Variants in ANKFY1 observed in about 807,000 individuals in gnomAD.
ANKFY1 encodes the protein ankyrin repeat and FYVE domain-containing protein 1.
A neutral mutation model predicts 128.3 loss-of-function variants in ANKFY1; 47 were observed. The ratio of observed to expected loss-of-function variants is 0.37; its 90% CI spans 0.29 to 0.47. The LOEUF is 0.47. ANKFY1 is among the 20% of genes least tolerant of loss of function. The pLI is 1.00. For synonymous variants in ANKFY1, 553 were observed against 601.6 expected, an observed-to-expected ratio of 0.92 and a Z score of 1.18; for missense variants, 1,222 against 1,510.6, an observed-to-expected ratio of 0.81 and a Z score of 3.17.
intron 1 of ANKFY1, among the ~76,000 whole-genome samples, chr17:4,245,757 A>C (rs1487885790): frequency 6.9e-6 from 1 of 145,626 alleles, no homozygotes; most frequent in African/African-American, 2.5e-5. Context: ...AAAAAAAAAA[A>C]AAAACAACCA....
In ANKFY1 at chr17:4,167,578, C is replaced by T. The variant is rs959522566; in HGVS notation, c.*201G>A. The T allele has an allele frequency of 2.9e-5, 14 of 490,642 alleles. No homozygotes were observed. Among genetic ancestry groups the T allele is most frequent in the Non-Finnish European group, 4.1e-5 (12 of 291,532 alleles). 30.4% of individuals were successfully genotyped at this position (490,642 alleles called of 1,614,324 possible). A position where few individuals can be genotyped will look rare whatever the true frequency, so the allele number is the denominator to read the frequency against. On this transcript the variant is annotated 3_prime_UTR_variant, in exon 25 of 25. Coordinates refer to ENST00000341657, the MANE Select transcript of ANKFY1 (RefSeq NM_001330063.2). This position sits in a 1 kb window ranked among gnomAD's most constrained non-coding sequence, Gnocchi z 4.1. ...TGATGAGTGAGACATCTAGTGAAATCGATCACAGTCTGACACACACACTGA... is the reference window on the plus strand; with the variant it reads ...TGATGAGTGAGACATCTAGTGAAATTGATCACAGTCTGACACACACACTGA...
At position 4,230,233 on chromosome 17, in the gene ANKFY1, C is replaced by T. The variant is rs549610692; in HGVS notation, c.322+5539G>A. ...AGATGGTGCTTCAGGGGATAGCTTT[C>T]CCAACCAGAGTGAAAAGGAATAAAG... On this transcript the variant is annotated intron_variant, in intron 3 of 24. Transcript: ENST00000341657. Among the ~76,000 whole-genome samples, 14 of 152,272 alleles carry T rather than the reference C, an allele frequency of 9.2e-5. No homozygotes were observed. The South Asian group carries it at 2.5e-3, about 27-fold the overall frequency.
In ANKFY1 at chr17:4,164,646, TAAAAG is replaced by T. The variant is rs1236568494; in HGVS notation, c.*3128_*3132del. The T allele has an allele frequency of 6.6e-6, 1 of 152,224 alleles. No individual in the cohort carries two copies. The highest frequency in any genetic ancestry group is 1.5e-5 in the Non-Finnish European group (1 of 68,052). 9.4% of individuals were successfully genotyped at this position (152,224 alleles called of 1,614,324 possible). ...TTCAAAAGTGTTCTTTTTCTCCAGA[TAAAAG>T]AAACCTAGATGGAGGTCAAGCTCTC... is the stretch of plus-strand genomic sequence containing the variant. On this transcript the variant is annotated 3_prime_UTR_variant, in exon 25 of 25. Coordinates refer to ENST00000341657, the MANE Select transcript of ANKFY1 (RefSeq NM_001330063.2).
At chr17:4,241,240 A>G (rs1426138220) in intron 2 of ANKFY1, among the ~76,000 whole-genome samples, 1 of 148,472 alleles carries the variant, frequency 6.7e-6, no homozygotes, top group African/African-American at 2.6e-5. Context: ...CACATAGCTA[A>G]TAAGTCGCCA....
Position 4,173,459 on chromosome 17 carries a change from C to T in ANKFY1, c.2924-15G>A, listed in dbSNP as rs755318702. 20 of 1,612,460 alleles carry T rather than the reference C, an allele frequency of 1.2e-5. No individual in the cohort carries two copies. The Admixed American group carries it at 2.8e-4, about 23-fold the overall frequency. The stretch of plus-strand genomic sequence containing the variant: ...AAGATGAAGAGCTGGGAAGTAAATC[C>T]TCTTACTATGCAAGCCCAGAAGCAC... On this transcript the variant is annotated splice_polypyrimidine_tract_variant and intron_variant, in intron 20 of 24. Transcript: ENST00000341657.
intron 3 of ANKFY1, among the ~76,000 whole-genome samples, chr17:4,228,238 G>C (rs1431734320): frequency 2.0e-5 from 3 of 152,104 alleles, no homozygotes; most frequent in Non-Finnish European, 4.4e-5. Context: ...AGAAGTGAAA[G>C]AAGCCAGACA....
At chr17:4,250,839 C>T (rs959162958) in intron 1 of ANKFY1, among the ~76,000 whole-genome samples, 1 of 152,072 alleles carries the variant, frequency 6.6e-6, no homozygotes, top group African/African-American at 2.4e-5. Flanking sequence ...CTCAGTATGG[C>T]GCCCAAGCTG....
intron 1 of ANKFY1, among the ~76,000 whole-genome samples, chr17:4,244,801 T>G (rs1053493123): frequency 1.3e-5 from 2 of 152,146 alleles, no homozygotes; most frequent in African/African-American, 4.8e-5. Flanking sequence ...TTCTTTATCA[T>G]CAACCACCCC....
chr17:4,261,210 C>T (rs971937496), intron 1 of ANKFY1, among the ~76,000 whole-genome samples: 5 of 152,134 alleles, frequency 3.3e-5, no homozygotes, highest in Admixed American at 6.5e-5. Context: ...TGTGGCCGGC[C>T]GGGTGTGGTG....
Position 4,219,879 on chromosome 17 carries a change from T to G in ANKFY1, c.323-2761A>C, listed in dbSNP as rs199886316. Among the ~76,000 whole-genome samples the G allele has an allele frequency of 8.5e-5, 13 of 152,296 alleles. 1 individual carries two copies. The East Asian group carries it at 2.5e-3, about 29-fold the overall frequency. The stretch of plus-strand genomic sequence containing the variant: ...TCTTGTCACCCAGGCTGGAGTGCAG[T>G]GGCGCGATCTGAGCTCACTGCAACC... On this transcript the variant is annotated intron_variant, in intron 3 of 24. Coordinates refer to ENST00000341657, the MANE Select transcript of ANKFY1 (RefSeq NM_001330063.2).
At position 4,169,890 on chromosome 17, in the gene ANKFY1, C is replaced by G. The variant is rs910975873; in HGVS notation, c.3287-602G>C. On this transcript the variant is annotated intron_variant, in intron 23 of 24. Coordinates refer to ENST00000341657, the MANE Select transcript of ANKFY1 (RefSeq NM_001330063.2). This position sits in a 1 kb window ranked among gnomAD's most constrained non-coding sequence, Gnocchi z 5.0. Reference sequence around the variant, plus strand: ...TTACTGGCTGAACTCTCACTCTATCCCAGGCACTGTCTGACTGCTCTACAT... The same window carrying G: ...TTACTGGCTGAACTCTCACTCTATCGCAGGCACTGTCTGACTGCTCTACAT... Among the ~76,000 whole-genome samples, 1 of 152,182 alleles carries G rather than the reference C, an allele frequency of 6.6e-6. No individual in the cohort carries two copies. The highest frequency in any genetic ancestry group is 2.4e-5 in the African/African-American group (1 of 41,432).
chr17:4,194,291 C>T (rs374672368), intron 10 of ANKFY1, among the ~76,000 whole-genome samples: 13 of 150,354 alleles, frequency 8.6e-5, no homozygotes, highest in Admixed American at 8.0e-4. Context: ...TTTTCAGTAG[C>T]GACAGGTTTC....
intron 3 of ANKFY1, among the ~76,000 whole-genome samples, chr17:4,225,074 G>C (rs1309897385): frequency 1.3e-5 from 2 of 151,058 alleles, no homozygotes; most frequent in African/African-American, 4.9e-5. Flanking sequence ...AAACTTTTTA[G>C]GCTGGGTGTG....
At position 4,167,209 on chromosome 17, in the gene ANKFY1, T is replaced by C. The variant is rs2059226131; in HGVS notation, c.*570A>G. The C allele has an allele frequency of 6.6e-6, 1 of 152,666 alleles. No homozygotes were observed. The highest frequency in any genetic ancestry group is 1.5e-5 in the Non-Finnish European group (1 of 68,044). The allele number at this position is 152,666 out of a possible 1,614,324, so 9.5% of individuals were successfully genotyped here. A position where few individuals can be genotyped will look rare whatever the true frequency, so the allele number is the denominator to read the frequency against. ...TCTTTGAACCCTGTTAAGAAAGATT[T>C]CACCTTTTTAAAAGGGGTAGCTCAC... On this transcript the variant is annotated 3_prime_UTR_variant, in exon 25 of 25. Coordinates refer to ENST00000341657, the MANE Select transcript of ANKFY1 (RefSeq NM_001330063.2). The surrounding 1 kb of genome is among the most constrained non-coding windows in gnomAD (Gnocchi z 4.1).
intron 17 of ANKFY1, 40 bp downstream of exon 17, chr17:4,179,680 TG>T: frequency 6.2e-7 from 1 of 1,604,318 alleles, no homozygotes. Flanking sequence ...TCCCTCATGC[TG>T]GGGCTACACC....
chr17:4,199,517 AT>A (rs2059888684), intron 7 of ANKFY1, among the ~76,000 whole-genome samples: 1 of 152,168 alleles, frequency 6.6e-6, no homozygotes, highest in East Asian at 1.9e-4. Context: ...TAATAGTTTC[AT>A]TTACCATCTT....
intron 1 of ANKFY1, among the ~76,000 whole-genome samples, chr17:4,243,056 T>A (rs1357443514): frequency 6.6e-6 from 1 of 152,138 alleles, no homozygotes; most frequent in African/African-American, 2.4e-5. Context: ...TCTCTCTTTT[T>A]TTGTTTTTTG....
At chr17:4,205,995 T>C (rs535536978) in intron 7 of ANKFY1, among the ~76,000 whole-genome samples, 2 of 152,344 alleles carry the variant, frequency 1.3e-5, no homozygotes, top group Non-Finnish European at 2.9e-5. Flanking sequence ...AAAACCTTCC[T>C]AGCACAATTC....
chr17:4,208,351 G>A (rs1158421931), intron 5 of ANKFY1, among the ~76,000 whole-genome samples: 1 of 152,164 alleles, frequency 6.6e-6, no homozygotes, highest in Non-Finnish European at 1.5e-5. Flanking sequence ...CTGACGTTCC[G>A]AGCCTCACTC....
Sources: gnomAD v4.1 joint callset for allele counts (sites outside exome capture counted in the v4.1 genomes callset) on GRCh38, gnomAD v4.1.1 for gene constraint, Gnocchi (gnomAD v3.1) non-coding constraint, MANE v1.5 for transcripts, NCBI Gene and HGNC (gene_info 2026-07-23, HGNC 2026-07-21) for gene names.